AFAP1L2: variants seen among roughly 807,000 people sequenced by gnomAD.
The protein encoded by AFAP1L2 is actin filament-associated protein 1-like 2.
In AFAP1L2, 46 loss-of-function variants were observed where a neutral mutation model predicts 99.3. The observed-to-expected ratio is 0.46, with a 90% confidence interval of 0.37 to 0.59. AFAP1L2 has a LOEUF of 0.59. Ranked by LOEUF, AFAP1L2 falls within the 20% of genes least tolerant of loss-of-function variation. The pLI is 0.00. For synonymous variants in AFAP1L2, 397 were observed against 419.1 expected, an observed-to-expected ratio of 0.95 and a Z score of 0.64; for missense variants, 959 against 1,034.9, an observed-to-expected ratio of 0.93 and a Z score of 1.01.
At position 114,313,982 on chromosome 10, in the gene AFAP1L2, G is replaced by A. The variant is rs752292481; in HGVS notation, c.681C>T (p.His227=). 1.5e-5 allele frequency: 25 copies of A among 1,613,946 alleles called. No homozygotes were observed. The highest frequency in any genetic ancestry group is 2.1e-5 in the Non-Finnish European group (25 of 1,180,026). Residue 227 remains histidine, a synonymous_variant, in exon 7 of 19, where the codon CAC becomes CAT. Transcript: ENST00000304129. ...CCTTCTTCCGCACTTGCTTCTCCTT[G>A]TGAATGACGCTGCTGCCCAGTAGGT... ...DVNLLGSSVI[H]KEKQVRKKEH...
Position 114,301,425 on chromosome 10 carries a change from C to A in AFAP1L2, c.1471G>T (p.Asp491Tyr). The part of the protein sequence containing the change: ...RKFSEPNTYI[D>Y]GLPSQDRQEE... ...TGGCGGTCCTGGCTAGGCAGGCCAT[C>A]GATGTAAGTGTTGGGCTCTGAGAAC... Residue 491 changes from aspartate (D) to tyrosine (Y), a missense_variant, in exon 13 of 19, where the codon GAT (aspartate) becomes TAT (tyrosine). Around this residue, in one of 2 missense-constraint regions of AFAP1L2, gnomAD observed 576 missense variants for 562.1 expected, o/e 1.02. Coordinates refer to ENST00000304129, the MANE Select transcript of AFAP1L2 (RefSeq NM_001001936.3). The A allele has an allele frequency of 6.2e-7, 1 of 1,614,166 alleles. No homozygotes were observed. Among genetic ancestry groups the A allele is most frequent in the Non-Finnish European group, 8.5e-7 (1 of 1,179,996 alleles).
At chr10:114,306,864 G>GC (rs2042533924) in intron 10 of AFAP1L2, among the ~76,000 whole-genome samples, 1 of 152,104 alleles carries the variant, frequency 6.6e-6, no homozygotes, top group Non-Finnish European at 1.5e-5. Flanking sequence ...CAAACATCAT[G>GC]CCCCCTGAGG....
chr10:114,381,756 C>A (rs1419333643), intron 1 of AFAP1L2, among the ~76,000 whole-genome samples: 1 of 151,974 alleles, frequency 6.6e-6, no homozygotes, highest in Non-Finnish European at 1.5e-5. Flanking sequence ...CTGGAGAAAT[C>A]TTTGCAACTC....
chr10:114,375,731 T>C (rs1041981341), intron 1 of AFAP1L2, among the ~76,000 whole-genome samples: 3 of 152,128 alleles, frequency 2.0e-5, no homozygotes, highest in Non-Finnish European at 4.4e-5. Context: ...TCCAACATTT[T>C]TGAAGGATAA....
intron 1 of AFAP1L2, among the ~76,000 whole-genome samples, chr10:114,374,414 C>T (rs2054531136): frequency 6.6e-6 from 1 of 152,308 alleles, no homozygotes; most frequent in African/African-American, 2.4e-5. Flanking sequence ...GGACAGTGGT[C>T]TCATTGAAGG....
the AFAP1L2 span, among the ~76,000 whole-genome samples, chr10:114,287,718 A>G: frequency 6.6e-6 from 1 of 152,192 alleles, no homozygotes; most frequent in Non-Finnish European, 1.5e-5. Flanking sequence ...TTGTAGATTT[A>G]TAGGAAAAAA....
chr10:114,292,838 T>C (rs1341479378), downstream of AFAP1L2, among the ~76,000 whole-genome samples: 1 of 152,026 alleles, frequency 6.6e-6, no homozygotes, highest in East Asian at 1.9e-4. Context: ...CTTGAGTAGC[T>C]GGGATTAGAG....
At chr10:114,355,272 T>TTTTTTTTTA (rs2051177817) in intron 1 of AFAP1L2, among the ~76,000 whole-genome samples, 3 of 130,934 alleles carry the variant, frequency 2.3e-5, no homozygotes, top group African/African-American at 5.5e-5. Flanking sequence ...TTTTTTTTTT[T>TTTTTTTTTA]GAGACGGAGT....
At chr10:114,288,549 G>A in the AFAP1L2 span, among the ~76,000 whole-genome samples, 37,733 of 152,044 alleles carry the variant, frequency 0.25, 4,928 homozygotes, top group African/African-American at 0.32. Context: ...GCCCGGGCCA[G>A]CAGGGCTTGG....
At chr10:114,286,211 A>G in the AFAP1L2 span, 4 of 1,613,826 alleles carry the variant, frequency 2.5e-6, no homozygotes, top group African/African-American at 2.7e-5. Context: ...CCTGACGGGC[A>G]GTGCCTTGCG....
chr10:114,352,396 C>G (rs530713479), intron 1 of AFAP1L2, among the ~76,000 whole-genome samples: 9 of 141,376 alleles, frequency 6.4e-5, no homozygotes, highest in African/African-American at 2.3e-4. Flanking sequence ...ATCGCTTGAG[C>G]CAGGGAGGCA....
At chr10:114,403,999 C>T (rs572696918) in intron 1 of AFAP1L2, among the ~76,000 whole-genome samples, 2 of 152,346 alleles carry the variant, frequency 1.3e-5, no homozygotes, top group African/African-American at 4.8e-5. Flanking sequence ...GAGCAGGAAG[C>T]CCCTAGCCCG....
intron 2 of AFAP1L2, among the ~76,000 whole-genome samples, chr10:114,338,433 A>G (rs2048309457): frequency 6.6e-6 from 1 of 152,262 alleles, no homozygotes; most frequent in African/African-American, 2.4e-5. Flanking sequence ...TTTTTAAAAG[A>G]ATCTGAATTT....
Position 114,340,585 on chromosome 10 carries a change from C to A in AFAP1L2, c.145+18G>T, listed in dbSNP as rs1365383441. ...TTTTGGCGTGGAGGCCTCTGCACCA[C>A]CCAGGGCCCACACTCACTGCTGCTT... On this transcript the variant is annotated intron_variant, in intron 2 of 18. Transcript: ENST00000304129. 1 of 1,612,096 alleles carries A rather than the reference C, an allele frequency of 6.2e-7. No homozygotes were observed. Among genetic ancestry groups the A allele is most frequent in the Non-Finnish European group, 8.5e-7 (1 of 1,178,940 alleles).
intron 6 of AFAP1L2, 136 bp downstream of exon 6, chr10:114,315,424 G>C: frequency 1.2e-6 from 1 of 814,712 alleles, no homozygotes. Context: ...TTTCAGATTA[G>C]GGAGAAGTTA....
At chr10:114,311,672 T>A (rs1590047483) in intron 7 of AFAP1L2, among the ~76,000 whole-genome samples, 1 of 152,198 alleles carries the variant, frequency 6.6e-6, no homozygotes, top group South Asian at 2.1e-4. Flanking sequence ...AATACACGGA[T>A]GGCCCTGCCC....
In AFAP1L2 at chr10:114,336,122, G is replaced by A. The variant is rs545608213; in HGVS notation, c.146-2827C>T. Among the ~76,000 whole-genome samples the A allele has an allele frequency of 3.5e-3, 531 of 152,322 alleles. 4 individuals are homozygous for A. The highest frequency in any genetic ancestry group is 0.012 in the African/African-American group (503 of 41,566). On this transcript the variant is annotated intron_variant, in intron 2 of 18. Coordinates refer to ENST00000304129, the MANE Select transcript of AFAP1L2 (RefSeq NM_001001936.3). ...ACTGGCCACTTCATGAGGGTGCATC[G>A]GCCCACCTCGGGTGGGCTGCAGGCT...
chr10:114,367,589 A>G (rs913854844), intron 1 of AFAP1L2, among the ~76,000 whole-genome samples: 3 of 152,232 alleles, frequency 2.0e-5, no homozygotes, highest in African/African-American at 4.8e-5. Context: ...AAAGCAGCTG[A>G]TAACAGGGGA....
intron 1 of AFAP1L2, chr10:114,398,883 A>T (rs1421396214): frequency 7.7e-7 from 1 of 1,304,246 alleles, no homozygotes; most frequent in East Asian, 5.5e-5. Context: ...TCTCTGTACC[A>T]CCAGACAGCA....
Sources: allele counts gnomAD v4.1 joint callset (sites outside exome capture counted in the v4.1 genomes callset), GRCh38; gene constraint gnomAD v4.1.1; regional missense constraint gnomAD v4.1.1; transcripts MANE v1.5; gene names NCBI Gene and HGNC (gene_info 2026-07-23, HGNC 2026-07-21).